RYR2: variants seen among roughly 807,000 people sequenced by gnomAD.
The protein encoded by RYR2 is ryanodine receptor 2.
In RYR2, 227 loss-of-function variants were observed where a neutral mutation model predicts 601.1. The ratio of observed to expected loss-of-function variants is 0.38; its 90% CI spans 0.34 to 0.42. The LOEUF is 0.42. Ranked by LOEUF, RYR2 falls within the 10% of genes least tolerant of loss-of-function variation. RYR2 has a pLI of 1.00. For missense variants in RYR2, 4,646 were observed against 6,156.5 expected, an observed-to-expected ratio of 0.75 and a Z score of 8.21; for synonymous variants, 2,223 against 2,175.1, an observed-to-expected ratio of 1.02 and a Z score of -0.61.
intron 1 of RYR2, among the ~76,000 whole-genome samples, chr1:237,137,978 T>A (rs1672967802): frequency 6.6e-6 from 1 of 152,206 alleles, no homozygotes; most frequent in African/African-American, 2.4e-5. Flanking sequence ...AATCATTTAT[T>A]TGTGTTACTT....
intron 41 of RYR2, among the ~76,000 whole-genome samples, chr1:237,630,107 A>G (rs915476462): frequency 1.3e-5 from 2 of 152,192 alleles, no homozygotes; most frequent in African/African-American, 4.8e-5. Flanking sequence ...CTTAACACAC[A>G]ACAGTAATAT....
chr1:237,655,596 T>G lies in RYR2; in HGVS notation c.7966-225T>G, dbSNP rs563454807. Among the ~76,000 whole-genome samples the G allele has an allele frequency of 7.2e-5, 11 of 152,322 alleles. 1 individual carries two copies. The South Asian group carries it at 1.7e-3, about 23-fold the overall frequency. Reference sequence around the variant, plus strand: ...CCAGTGTGTTGGAGAGTCAAAGATTTTATTCTCCTTAAGCTGAAACTTCAG... The same window carrying G: ...CCAGTGTGTTGGAGAGTCAAAGATTGTATTCTCCTTAAGCTGAAACTTCAG... On this transcript the variant is annotated intron_variant, in intron 52 of 104. Transcript: ENST00000366574.
chr1:237,820,800 G>A (rs190030330), intron 101 of RYR2, among the ~76,000 whole-genome samples: 36 of 152,000 alleles, frequency 2.4e-4, no homozygotes, highest in Admixed American at 8.5e-4. Context: ...CCAGCACAGC[G>A]GTCTGAGGTT....
At chr1:237,484,843 C>T (rs16835307) in intron 17 of RYR2, among the ~76,000 whole-genome samples, 9,013 of 152,220 alleles carry the variant, frequency 0.059, 800 homozygotes, top group African/African-American at 0.19. Context: ...CTACCCATCA[C>T]AGCACTTGGC....
At chr1:237,442,970 A>C (rs1000573617) in intron 13 of RYR2, among the ~76,000 whole-genome samples, 4 of 152,334 alleles carry the variant, frequency 2.6e-5, no homozygotes, top group Non-Finnish European at 5.9e-5. Flanking sequence ...GTTTGGAACA[A>C]GTTGGGTATG....
intron 88 of RYR2, among the ~76,000 whole-genome samples, chr1:237,781,325 T>G (rs1695090794): frequency 1.3e-5 from 2 of 152,224 alleles, no homozygotes; most frequent in African/African-American, 4.8e-5. Context: ...AGTGCTAGGA[T>G]TACAGGCATG....
At chr1:237,633,474 C>A in intron 42 of RYR2, 104 bp from the exon 43 acceptor site, 1 of 1,381,732 alleles carries the variant, frequency 7.2e-7, no homozygotes, top group South Asian at 1.3e-5. Flanking sequence ...TTGGCACACA[C>A]ATGGACACAC....
At chr1:237,098,416 T>C (rs2148500880) in intron 1 of RYR2, among the ~76,000 whole-genome samples, 1 of 151,984 alleles carries the variant, frequency 6.6e-6, no homozygotes, top group South Asian at 2.1e-4. Context: ...TGTGTGTGTG[T>C]GTGTGTGGTG....
At chr1:237,317,057 G>T (rs543119884) in intron 2 of RYR2, among the ~76,000 whole-genome samples, 2 of 152,276 alleles carry the variant, frequency 1.3e-5, no homozygotes, top group South Asian at 4.1e-4. Context: ...AAAGGCTGAT[G>T]ATTGTGCTTC....
At chr1:237,787,387 A>C (rs2149364130) in intron 91 of RYR2, among the ~76,000 whole-genome samples, 1 of 152,144 alleles carries the variant, frequency 6.6e-6, no homozygotes, top group Admixed American at 6.6e-5. Context: ...CAGGAGTTCA[A>C]GACCAGCCTG....
intron 1 of RYR2, among the ~76,000 whole-genome samples, chr1:237,127,304 C>A (rs1671549074): frequency 6.6e-6 from 1 of 151,984 alleles, no homozygotes; most frequent in Non-Finnish European, 1.5e-5. Context: ...GTTGGGTACA[C>A]CTCCCAGACA....
At chr1:237,530,792 C>T (rs182814066) in intron 25 of RYR2, among the ~76,000 whole-genome samples, 67 of 152,020 alleles carry the variant, frequency 4.4e-4, no homozygotes, top group African/African-American at 1.6e-3. Context: ...TGCCTGTAAT[C>T]CCAGCTACTC....
At chr1:237,618,924 A>G (rs535452115) in intron 38 of RYR2, among the ~76,000 whole-genome samples, 7 of 152,204 alleles carry the variant, frequency 4.6e-5, no homozygotes, top group Admixed American at 2.0e-4. Context: ...AGGTCTAATG[A>G]GGAACCAGAA....
At chr1:237,336,969 G>T (rs981691683) in intron 3 of RYR2, among the ~76,000 whole-genome samples, 1 of 151,220 alleles carries the variant, frequency 6.6e-6, no homozygotes, top group Non-Finnish European at 1.5e-5. Context: ...AAATGCATGG[G>T]GCTGGGCACG....
chr1:237,597,273 G>A (rs1227432185), intron 34 of RYR2, among the ~76,000 whole-genome samples: 1 of 151,120 alleles, frequency 6.6e-6, no homozygotes, highest in East Asian at 1.9e-4. Context: ...AAATTGTGAG[G>A]GGAGGGTAAA....
intron 79 of RYR2, among the ~76,000 whole-genome samples, chr1:237,734,192 A>G (rs1690935785): frequency 6.6e-6 from 1 of 152,204 alleles, no homozygotes; most frequent in Non-Finnish European, 1.5e-5. Flanking sequence ...TAAGGGAAAC[A>G]AGCTTAATTA....
At chr1:237,392,223 C>T (rs1318023361) in intron 10 of RYR2, among the ~76,000 whole-genome samples, 1 of 152,022 alleles carries the variant, frequency 6.6e-6, no homozygotes, top group Admixed American at 6.6e-5. Flanking sequence ...CCTTGTCAAT[C>T]ATGTTTTAAT....
At chr1:237,831,281 C>A in intron 103 of RYR2, among the ~76,000 whole-genome samples, 1 of 152,154 alleles carries the variant, frequency 6.6e-6, no homozygotes, top group East Asian at 1.9e-4. Flanking sequence ...TTGATTCTGA[C>A]CAGTGTGTAT....
intron 2 of RYR2, among the ~76,000 whole-genome samples, chr1:237,294,637 G>T (rs1324328093): frequency 1.3e-5 from 2 of 152,088 alleles, no homozygotes; most frequent in East Asian, 3.9e-4. Flanking sequence ...AATTATACTT[G>T]CAATTGCAAA....
Sources: gnomAD v4.1 joint callset for allele counts (sites outside exome capture counted in the v4.1 genomes callset) on GRCh38, gnomAD v4.1.1 for gene constraint, MANE v1.5 for transcripts, NCBI Gene and HGNC (gene_info 2026-07-23, HGNC 2026-07-21) for gene names.